RGS12: variants seen among roughly 807,000 people sequenced by gnomAD.
The protein encoded by RGS12 is regulator of G-protein signaling 12.
A neutral mutation model predicts 120.1 loss-of-function variants in RGS12; 66 were observed. The observed-to-expected ratio is 0.55, with a 90% CI of 0.45 to 0.67. The LOEUF (loss-of-function observed/expected upper bound fraction) is 0.67. Among genes scored for constraint, RGS12 ranks in the 30% least tolerant of loss-of-function variants. The pLI is 0.00. For synonymous variants in RGS12, 827 were observed against 804.7 expected (o/e 1.03, Z -0.47); for missense variants, 1,859 against 1,957.7 (o/e 0.95, Z 0.95).
At chr4:3,397,261 G>A (rs1025746385) in intron 4 of RGS12, among the ~76,000 whole-genome samples, 6 of 152,216 alleles carry the variant, frequency 3.9e-5, no homozygotes, top group Admixed American at 3.3e-4. Context: ...TCTGGGTGCC[G>A]AGGTGGGCTG....
upstream of RGS12, among the ~76,000 whole-genome samples, chr4:3,288,217 C>A (rs373501348): frequency 5.9e-5 from 9 of 151,800 alleles, no homozygotes. This position sits in a 1 kb window ranked among gnomAD's most constrained non-coding sequence, Gnocchi z 5.2. Context: ...GTCTGGTGGG[C>A]GTGTGGGAGG....
chr4:3,303,491 G>C (rs1368111726), intron 1 of RGS12, among the ~76,000 whole-genome samples: 1 of 152,244 alleles, frequency 6.6e-6, no homozygotes, highest in East Asian at 1.9e-4. Flanking sequence ...GTCCCTGGAG[G>C]CTCTTTTGCT....
intron 14 of RGS12, 103 bp downstream of exon 14, chr4:3,425,663 C>T: frequency 1.0e-5 from 1 of 95,814 alleles, no homozygotes; most frequent in Non-Finnish European, 1.5e-5. Flanking sequence ...GGGGCCAGTG[C>T]AGGGGAGGGG....
rs1259813433 is a variant in RGS12 at position 3,428,180 on chromosome 4, A to G, written c.3411+11A>G. 2 of 1,606,530 alleles carry G rather than the reference A, an allele frequency of 1.2e-6. No homozygotes were observed. Among genetic ancestry groups the G allele is most frequent in the Non-Finnish European group, 1.7e-6 (2 of 1,174,228 alleles). ...AACCACTCGGCTACGGTAATTCCCC[A>G]CCCTGGCCCACCCTGTGCCCTGCTC... On this transcript the variant is annotated intron_variant, in intron 15 of 17. Transcript: ENST00000336727.
chr4:3,438,911 G>A (rs1030845191), intron 17 of RGS12, among the ~76,000 whole-genome samples: 3 of 152,120 alleles, frequency 2.0e-5, no homozygotes, highest in Non-Finnish European at 2.9e-5. Context: ...CGGTGAAGAC[G>A]GTGCTGAGGC....
intron 2 of RGS12, among the ~76,000 whole-genome samples, chr4:3,335,646 C>T (rs1712368547): frequency 6.6e-6 from 1 of 152,126 alleles, no homozygotes; most frequent in Non-Finnish European, 1.5e-5. Context: ...CCTTCTGGCC[C>T]CTCAGAAACA....
At chr4:3,367,188 G>A (rs1221705595) in intron 3 of RGS12, among the ~76,000 whole-genome samples, 2 of 152,248 alleles carry the variant, frequency 1.3e-5, no homozygotes, top group African/African-American at 4.8e-5. Flanking sequence ...CTGAGTCCCC[G>A]CTGCACCACA....
upstream of RGS12, among the ~76,000 whole-genome samples, chr4:3,288,866 T>A (rs1011432315): frequency 7.2e-5 from 11 of 152,262 alleles, no homozygotes; most frequent in African/African-American, 2.4e-4. The surrounding 1 kb of genome is among the most constrained non-coding windows in gnomAD (Gnocchi z 5.2). Flanking sequence ...TTGTCTCTAA[T>A]TATGGACGCC....
At chr4:3,368,477 CTGTGTGTGAGGTGCCTG>C (rs1465831430) in intron 3 of RGS12, among the ~76,000 whole-genome samples, 1 of 82,420 alleles carries the variant, frequency 1.2e-5, no homozygotes, top group African/African-American at 4.7e-5. Flanking sequence ...GTGGGGGTGC[CTGTGTGTGAGGTGCCTG>C]TGTGTGTGTG....
At chr4:3,342,122 G>A (rs544137226) in intron 2 of RGS12, among the ~76,000 whole-genome samples, 3 of 152,076 alleles carry the variant, frequency 2.0e-5, no homozygotes, top group Admixed American at 1.3e-4. Context: ...TTTTCTACAA[G>A]ACTCTTATGC....
In RGS12 at chr4:3,365,006, C is replaced by T. The variant is rs973657153; in HGVS notation, c.1999-21410C>T. Among the ~76,000 whole-genome samples the T allele has an allele frequency of 2.0e-5, 3 of 152,088 alleles. No homozygotes were observed. Among genetic ancestry groups the T allele is most frequent in the Non-Finnish European group, 4.4e-5 (3 of 68,008 alleles). The stretch of plus-strand genomic sequence containing the variant: ...GTCACTGGATGGAGCCTCCTGCACC[C>T]AGGGCAGAAGCTGCACCTTTCCAGG... On this transcript the variant is annotated intron_variant, in intron 3 of 17. Transcript: ENST00000336727. The surrounding 1 kb of genome is among the most constrained non-coding windows in gnomAD (Gnocchi z 4.0).
rs201251328 is a variant in RGS12 at position 3,316,138 on chromosome 4, G to A, written c.-33G>A. ...TGAAATATGGCTCCAAGGGAACAAT[G>A]AGACGTGCTCTTGGTCTTGGAAGCT... On this transcript the variant is annotated 5_prime_UTR_variant, in exon 2 of 18. It removes an upstream start codon present in the reference 5' UTR. Coordinates refer to ENST00000336727, the MANE Select transcript of RGS12 (RefSeq NM_001394154.1). 41 of 1,513,256 alleles carry A rather than the reference G, an allele frequency of 2.7e-5. No individual in the cohort carries two copies. In the East Asian group the frequency reaches 8.9e-4, roughly 33 times the overall value. 93.7% of individuals were successfully genotyped at this position (1,513,256 alleles called of 1,614,324 possible).
chr4:3,318,035 C>T lies in RGS12; in HGVS notation c.1865C>T (p.Thr622Ile). 1.3e-6 allele frequency: 2 copies of T among 1,589,708 alleles called. No homozygotes were observed. The highest frequency in any genetic ancestry group is 1.7e-6 in the Non-Finnish European group (2 of 1,165,134). ...GGTCCCCATCGAAATGTTCGAAAGA[C>T]TAAGGAAGATAAAAAGGTAAGCCTG... Reference protein sequence around the residue: ...IFGPHRNVRKTKEDKKGSKFG... With the variant: ...IFGPHRNVRKIKEDKKGSKFG... Residue 622 changes from threonine to isoleucine, a missense_variant, in exon 2 of 18, where the codon ACT becomes ATT. Transcript: ENST00000336727.
At chr4:3,368,746 TG>T (rs1328243096) in intron 3 of RGS12, among the ~76,000 whole-genome samples, 1 of 22,940 alleles carries the variant, frequency 4.4e-5, no homozygotes, top group African/African-American at 1.8e-4. Context: ...CTGTGTGTGT[TG>T]GGGGGTGCCT....
intron 1 of RGS12, among the ~76,000 whole-genome samples, chr4:3,296,889 C>G (rs1482609545): frequency 2.6e-5 from 4 of 152,184 alleles, no homozygotes; most frequent in Admixed American, 1.3e-4. Flanking sequence ...CATGCTGTGC[C>G]TTTTTAGGAG....
At chr4:3,394,453 A>T (rs372251957) in intron 4 of RGS12, among the ~76,000 whole-genome samples, 10 of 152,356 alleles carry the variant, frequency 6.6e-5, no homozygotes, top group African/African-American at 2.2e-4. Context: ...GTGAGCTACC[A>T]TGCTCAGCCG....
At chr4:3,311,918 T>G (rs1724426722) in intron 1 of RGS12, among the ~76,000 whole-genome samples, 1 of 152,206 alleles carries the variant, frequency 6.6e-6, no homozygotes, top group South Asian at 2.1e-4. Flanking sequence ...TCGTGTCACA[T>G]CCCATCTGTG....
rs1278611158 is a variant in RGS12, at chr4:3,374,620, C to A, written c.1999-11796C>A. On this transcript the variant is annotated intron_variant, in intron 3 of 17. Transcript: ENST00000336727. This position sits in a 1 kb window ranked among gnomAD's most constrained non-coding sequence, Gnocchi z 6.3. Reference sequence around the variant, plus strand: ...TGCCACATCTCAGGAAGGGATGTCCCTGTCCCTTCTGCTTGAGCCCACACC... The same window carrying A: ...TGCCACATCTCAGGAAGGGATGTCCATGTCCCTTCTGCTTGAGCCCACACC... Among the ~76,000 whole-genome samples the A allele has an allele frequency of 6.6e-6, 1 of 151,990 alleles. No individual in the cohort carries two copies. The highest frequency in any genetic ancestry group is 1.9e-4 in the East Asian group (1 of 5,178).
At chr4:3,436,581 C>G (rs1045573498) in intron 17 of RGS12, among the ~76,000 whole-genome samples, 8 of 152,170 alleles carry the variant, frequency 5.3e-5, no homozygotes, top group Non-Finnish European at 1.2e-4. Flanking sequence ...GCCCCTGCCC[C>G]GGCCAGGCCA....
Sources: gnomAD v4.1 joint callset for allele counts (sites outside exome capture counted in the v4.1 genomes callset) on GRCh38, gnomAD v4.1.1 for gene constraint, Gnocchi (gnomAD v3.1) non-coding constraint, MANE v1.5 for transcripts, NCBI Gene and HGNC (gene_info 2026-07-23, HGNC 2026-07-21) for gene names.